The following ANXA11 variants were observed in gnomAD, a reference collection of about 807,000 sequenced individuals.
ANXA11 encodes annexin A11, also known as 56 kDa autoantigen.
In ANXA11, 57 loss-of-function variants were observed where a neutral mutation model predicts 64.7. That is an observed-to-expected ratio of 0.88 (90% confidence interval 0.71 to 1.10). The LOEUF is 1.10. Among genes scored for constraint, ANXA11 ranks in the 50% least tolerant of loss-of-function variants. ANXA11 has a pLI of 0.00. For synonymous variants in ANXA11, 260 were observed against 265.2 expected, an observed-to-expected ratio of 0.98 and a Z score of 0.19; for missense variants, 675 against 670.7, an observed-to-expected ratio of 1.01 and a Z score of -0.07.
chr10:80,171,202 C>T (rs1845961940), intron 3 of ANXA11: 2 of 1,272,220 alleles, frequency 1.6e-6, no homozygotes, highest in South Asian at 1.7e-5. Context: ...CCCAGGCAGG[C>T]TCTGCCCTCC....
At position 80,156,063 on chromosome 10, in the gene ANXA11, C is replaced by A. The variant is rs903413965; in HGVS notation, c.1459-151G>T. On this transcript the variant is annotated intron_variant, in intron 15 of 15. Transcript: ENST00000422982. ...ACTGCAGGTCCTGCAGCAGGCGTCA[C>A]AGACCTTAAAAAATGCAGTTCAGCC... 8 of 743,440 alleles carry A rather than the reference C, an allele frequency of 1.1e-5. No homozygotes were observed. The African/African-American group carries it at 1.4e-4, about 13-fold the overall frequency. 46.1% of individuals were successfully genotyped at this position (743,440 alleles called of 1,614,324 possible). A position where few individuals can be genotyped will look rare whatever the true frequency, so the allele number is the denominator to read the frequency against.
chr10:80,169,070 C>G lies in ANXA11; in HGVS notation c.460G>C (p.Gly154Arg). 2.0e-6 allele frequency: 3 copies of G among 1,535,564 alleles called. No individual in the cohort carries two copies. The highest frequency in any genetic ancestry group is 2.6e-6 in the Non-Finnish European group (3 of 1,147,036). ...YPGQPPVTYP[G>R]QPPVPLPGQQ... ...CCAGGGAGTGGCACTGGAGGCTGAC[C>G]AGGGTAGGTCACTGGTGGCTGCCCA... The change falls in exon 5 of 16, where the codon GGT becomes CGT. Residue 154 changes from glycine (G) to arginine (R), a missense_variant. Transcript: ENST00000422982.
rs1452908416 is a variant in ANXA11 at position 80,157,713 on chromosome 10, G to A, written c.1386C>T (p.Ser462=). 5.6e-6 allele frequency: 9 copies of A among 1,613,778 alleles called. No individual in the cohort carries two copies. Among genetic ancestry groups the A allele is most frequent in the East Asian group, 4.5e-5 (2 of 44,868 alleles). Reference sequence around the variant, plus strand: ...ATCTGATGTCCAGGAGGTCGGTCTCGCTGCGAGACACCATGATGCGAATCA... The same window carrying A: ...ATCTGATGTCCAGGAGGTCGGTCTCACTGCGAGACACCATGATGCGAATCA... ...RTLIRIMVSR[S]ETDLLDIRSE... Residue 462 remains serine, a synonymous_variant, in exon 15 of 16, where the codon AGC becomes AGT. Coordinates refer to ENST00000422982, the MANE Select transcript of ANXA11 (RefSeq NM_145868.2).
intron 1 of ANXA11, among the ~76,000 whole-genome samples, chr10:80,199,001 T>G (rs912982274): frequency 1.3e-5 from 2 of 152,184 alleles, no homozygotes; most frequent in Non-Finnish European, 2.9e-5. Flanking sequence ...GTTGCTGTTA[T>G]CATTGCCTTC....
chr10:80,165,893 C>G (rs1294500609), intron 8 of ANXA11, among the ~76,000 whole-genome samples, 191 bp downstream of exon 8: 1 of 152,152 alleles, frequency 6.6e-6, no homozygotes, highest in Admixed American at 6.5e-5. Context: ...AGGGAGTTCC[C>G]TTTTCTATAG....
At chr10:80,175,683 T>C (rs949368584) in intron 2 of ANXA11, among the ~76,000 whole-genome samples, 1 of 152,168 alleles carries the variant, frequency 6.6e-6, no homozygotes, top group Non-Finnish European at 1.5e-5. Context: ...TCAAATGATG[T>C]GAACAGATCT....
intron 1 of ANXA11, among the ~76,000 whole-genome samples, chr10:80,199,712 A>G (rs977710188): frequency 2.6e-5 from 4 of 152,236 alleles, no homozygotes; most frequent in South Asian, 2.1e-4. Context: ...TTAAAAACAT[A>G]TATGTTGAAG....
chr10:80,201,900 C>T (rs1301944584), intron 1 of ANXA11, among the ~76,000 whole-genome samples: 1 of 152,168 alleles, frequency 6.6e-6, no homozygotes, highest in Non-Finnish European at 1.5e-5. Context: ...CATCTCATGT[C>T]CTCCAAGTCA....
chr10:80,171,020 C>T (rs1845952597), intron 3 of ANXA11, 105 bp from the exon 4 acceptor site: 11 of 1,513,448 alleles, frequency 7.3e-6, no homozygotes, highest in Non-Finnish European at 9.7e-6. Context: ...CCCAGTAAAG[C>T]CTCGAGCCTC....
intron 2 of ANXA11, among the ~76,000 whole-genome samples, chr10:80,173,421 T>C (rs544133439): frequency 6.6e-6 from 1 of 152,288 alleles, no homozygotes; most frequent in South Asian, 2.1e-4. Flanking sequence ...AAAAGGGCCC[T>C]CAGGAGGTTC....
chr10:80,157,373 G>A, intron 15 of ANXA11: 1 of 985,454 alleles, frequency 1.0e-6, no homozygotes, highest in South Asian at 4.7e-5. Context: ...TCGGAACGCT[G>A]AAGGTCACGG....
intron 12 of ANXA11, among the ~76,000 whole-genome samples, chr10:80,160,618 C>T (rs953874128): frequency 5.3e-5 from 8 of 151,940 alleles, no homozygotes; most frequent in Non-Finnish European, 1.0e-4. Flanking sequence ...TCCTCCCTCC[C>T]TAGCTGCTCC....
Position 80,155,680 on chromosome 10 carries a change from AC to A in ANXA11, c.*172del, listed in dbSNP as rs1459992084. ...GGCATCCTGAGAGAGTTCTAGACCG[AC>A]CCAGGTCCTGTGGCACACTATACGG... On this transcript the variant is annotated 3_prime_UTR_variant, in exon 16 of 16. Transcript: ENST00000422982. The A allele has an allele frequency of 1.5e-6, 1 of 678,136 alleles. No homozygotes were observed. Among genetic ancestry groups the A allele is most frequent in the Non-Finnish European group, 2.6e-6 (1 of 386,000 alleles). 42.0% of individuals were successfully genotyped at this position (678,136 alleles called of 1,614,324 possible).
Position 80,166,986 on chromosome 10 carries a change from T to C in ANXA11, c.650-2A>G, listed in dbSNP as rs1845770032. 1.9e-6 allele frequency: 3 copies of C among 1,591,306 alleles called. No individual in the cohort carries two copies. The highest frequency in any genetic ancestry group is 2.7e-5 in the African/African-American group (2 of 74,360). The stretch of plus-strand genomic sequence containing the variant: ...CAATGATGGCCTGCTCATCCGTCCC[T>C]GGAGGAAGAGGCAGCAGGGGTGGGT... On this transcript the variant is annotated splice_acceptor_variant, in intron 6 of 15. Transcript: ENST00000422982. LOFTEE classifies it high-confidence loss of function.
intron 1 of ANXA11, among the ~76,000 whole-genome samples, chr10:80,182,255 A>G (rs115346182): frequency 0.015 from 2,329 of 152,186 alleles, 60 homozygotes; most frequent in African/African-American, 0.053. Flanking sequence ...TGTGGTTTCC[A>G]CTTAATTTTG....
chr10:80,156,257 T>C, intron 15 of ANXA11: 1 of 403,784 alleles, frequency 2.5e-6, no homozygotes, highest in Non-Finnish European at 4.8e-6. Context: ...GGGTTACCAA[T>C]GTAACGCAAC....
chr10:80,159,839 T>C (rs1193929846), intron 12 of ANXA11, among the ~76,000 whole-genome samples: 1 of 152,154 alleles, frequency 6.6e-6, no homozygotes, highest in Non-Finnish European at 1.5e-5. Flanking sequence ...TGTCCCCTCT[T>C]CTCAAATCCT....
intron 4 of ANXA11, among the ~76,000 whole-genome samples, chr10:80,170,143 G>A (rs1238733501): frequency 6.6e-6 from 1 of 152,018 alleles, no homozygotes; most frequent in Admixed American, 6.5e-5. Context: ...TTGACTTAAG[G>A]TACTGCCTGT....
At chr10:80,193,020 A>G (rs937162237) in intron 1 of ANXA11, among the ~76,000 whole-genome samples, 2 of 152,186 alleles carry the variant, frequency 1.3e-5, no homozygotes, top group Non-Finnish European at 2.9e-5. Context: ...AGAAGACTGT[A>G]AAAAGAAGTC....
Sources: allele counts gnomAD v4.1 joint callset (sites outside exome capture counted in the v4.1 genomes callset), GRCh38; gene constraint gnomAD v4.1.1; transcripts MANE v1.5; gene names NCBI Gene and HGNC (gene_info 2026-07-23, HGNC 2026-07-21).